PTTG1IP2: variants seen among roughly 807,000 people sequenced by gnomAD.
The protein encoded by PTTG1IP2 is PTTG1IP family member 2.
chr7:90,487,704 A>T (rs1797892302), intron 3 of PTTG1IP2, among the ~76,000 whole-genome samples: 2 of 152,178 alleles, frequency 1.3e-5, no homozygotes, highest in African/African-American at 4.8e-5. Context: ...TGCAGCAATT[A>T]TTCATTCAAA....
intron 2 of PTTG1IP2, 146 bp downstream of exon 2, chr7:90,479,420 G>T (rs1419490471): frequency 6.6e-6 from 1 of 152,262 alleles, no homozygotes; most frequent in African/African-American, 2.4e-5. Context: ...ATCTATTTAT[G>T]CATTTCAAAC....
intron 6 of PTTG1IP2, among the ~76,000 whole-genome samples, chr7:90,500,355 C>T (rs1798048498): frequency 6.6e-6 from 1 of 152,198 alleles, no homozygotes; most frequent in Non-Finnish European, 1.5e-5. Flanking sequence ...TTAACTCTAT[C>T]ATGAGAAAAA....
chr7:90,509,686 G>A (rs1360680688), intron 6 of PTTG1IP2, among the ~76,000 whole-genome samples: 1 of 152,086 alleles, frequency 6.6e-6, no homozygotes, highest in African/African-American at 2.4e-5. Context: ...CTGTGGAGTG[G>A]ACCCTTCAAG....
chr7:90,495,962 G>A (rs1212613276), intron 6 of PTTG1IP2, among the ~76,000 whole-genome samples: 1 of 152,052 alleles, frequency 6.6e-6, no homozygotes, highest in Non-Finnish European at 1.5e-5. Flanking sequence ...ATTTGGGGTT[G>A]GGGGGGAGTA....
chr7:90,478,054 G>A (rs1797770484), intron 1 of PTTG1IP2, among the ~76,000 whole-genome samples: 2 of 136,300 alleles, frequency 1.5e-5, no homozygotes, highest in Non-Finnish European at 1.5e-5. Context: ...CCGAGATCGT[G>A]CCACTGCATT....
chr7:90,475,762 C>CA (rs1797741204), intron 1 of PTTG1IP2, among the ~76,000 whole-genome samples: 1 of 152,006 alleles, frequency 6.6e-6, no homozygotes, highest in Non-Finnish European at 1.5e-5. Context: ...AGATAGAGAC[C>CA]ATCCTGGCCA....
intron 6 of PTTG1IP2, among the ~76,000 whole-genome samples, chr7:90,504,339 T>A (rs906611164): frequency 4.0e-5 from 6 of 151,578 alleles, no homozygotes; most frequent in Non-Finnish European, 8.8e-5. Flanking sequence ...AAAGCACATC[T>A]AATGGGACAG....
intron 6 of PTTG1IP2, among the ~76,000 whole-genome samples, chr7:90,497,715 T>A (rs13242062): frequency 0.75 from 42,126 of 56,146 alleles, 14,815 homozygotes; most frequent in East Asian, 0.89. Flanking sequence ...AGACCCTGTA[T>A]AAAAAAAAAA....
rs17869237 is a variant in PTTG1IP2 at position 90,480,108 on chromosome 7, G to A, written c.192+834G>A. On this transcript the variant is annotated intron_variant, in intron 2 of 6. Coordinates refer to ENST00000509356, the MANE Select transcript of PTTG1IP2 (RefSeq NM_001365443.2). ...GACATACTCTTTATACAGTACTGGT[G>A]GGGGTCTAGATACGTGACCTGCCTT... Among the ~76,000 whole-genome samples the A allele has an allele frequency of 4.1e-4, 63 of 152,214 alleles. No individual in the cohort carries two copies. The East Asian group carries it at 0.012, about 28-fold the overall frequency.
chr7:90,510,134 G>A (rs1477955286), intron 6 of PTTG1IP2, among the ~76,000 whole-genome samples: 1 of 152,120 alleles, frequency 6.6e-6, no homozygotes, highest in Non-Finnish European at 1.5e-5. Flanking sequence ...AAGAGCACTG[G>A]GATCTGTAGC....
At chr7:90,478,779 A>C (rs973726830) in intron 1 of PTTG1IP2, among the ~76,000 whole-genome samples, 1 of 152,072 alleles carries the variant, frequency 6.6e-6, no homozygotes, top group East Asian at 1.9e-4. Context: ...GAAAATCCTC[A>C]TTTGGGAAAA....
intron 4 of PTTG1IP2, among the ~76,000 whole-genome samples, chr7:90,491,587 C>G (rs1001780331): frequency 6.6e-6 from 1 of 150,670 alleles, no homozygotes; most frequent in South Asian, 2.1e-4. Context: ...CACACCACTG[C>G]ACCCCAGCCC....
intron 1 of PTTG1IP2, chr7:90,470,257 A>G (rs924717766): frequency 1.3e-5 from 2 of 152,128 alleles, no homozygotes; most frequent in Non-Finnish European, 2.9e-5. Context: ...TTCTAATCAG[A>G]CCCACTCAAT....
chr7:90,500,439 G>A (rs1253383342), intron 6 of PTTG1IP2, among the ~76,000 whole-genome samples: 2 of 152,142 alleles, frequency 1.3e-5, no homozygotes, highest in African/African-American at 4.8e-5. Context: ...CTGGGTTTGG[G>A]GGAGAATGGG....
At chr7:90,491,790 T>C (rs546628727) in intron 4 of PTTG1IP2, among the ~76,000 whole-genome samples, 105 of 152,340 alleles carry the variant, frequency 6.9e-4, no homozygotes, top group Non-Finnish European at 1.2e-3. Context: ...AATGTTTTAA[T>C]TCTCCTGGTG....
At chr7:90,472,364 T>C (rs535483458) in intron 1 of PTTG1IP2, among the ~76,000 whole-genome samples, 6 of 149,396 alleles carry the variant, frequency 4.0e-5, no homozygotes, top group African/African-American at 1.5e-4. Flanking sequence ...TCAAGAAACA[T>C]GAAAATTTCC....
intron 2 of PTTG1IP2, among the ~76,000 whole-genome samples, chr7:90,483,550 ATCT>A (rs932484962): frequency 6.6e-6 from 1 of 152,026 alleles, no homozygotes; most frequent in Non-Finnish European, 1.5e-5. Context: ...ACAAAACCAA[ATCT>A]TCTCTTTGTT....
chr7:90,484,625 G>A (rs957190874), intron 2 of PTTG1IP2, among the ~76,000 whole-genome samples: 1 of 152,066 alleles, frequency 6.6e-6, no homozygotes, highest in African/African-American at 2.4e-5. Context: ...GTTCTTGGGG[G>A]CAATGTGAAG....
chr7:90,492,891 A>G (rs1797954363), intron 5 of PTTG1IP2, among the ~76,000 whole-genome samples: 2 of 151,970 alleles, frequency 1.3e-5, no homozygotes, highest in African/African-American at 4.8e-5. Flanking sequence ...TCAATTCTAA[A>G]CTTTCCCTTA....
Sources: allele counts gnomAD v4.1 joint callset (sites outside exome capture counted in the v4.1 genomes callset), GRCh38; gene constraint gnomAD v4.1.1; transcripts MANE v1.5; gene names NCBI Gene and HGNC (gene_info 2026-07-23, HGNC 2026-07-21).